The following MACROD2 variants were observed in gnomAD, a reference collection of about 807,000 sequenced individuals.
MACROD2 encodes mono-ADP ribosylhydrolase 2.
MACROD2 carries 36 observed loss-of-function variants against 70.4 expected under a neutral mutation model. The observed-to-expected ratio is 0.51, with a 90% CI of 0.39 to 0.68. The LOEUF is 0.68. Among genes scored for constraint, MACROD2 ranks in the 30% least tolerant of loss-of-function variants. The pLI is 0.00. For missense variants in MACROD2, 496 were observed against 538.4 expected, an observed-to-expected ratio of 0.92 and a Z score of 0.78; for synonymous variants, 172 against 178.8, an observed-to-expected ratio of 0.96 and a Z score of 0.30.
rs956116462 is a variant in MACROD2, at chr20:14,270,558, C to T, written c.271+184830C>T. Among the ~76,000 whole-genome samples, 8 of 143,912 alleles carry T rather than the reference C, an allele frequency of 5.6e-5. No homozygotes were observed. The East Asian group carries it at 8.1e-4, about 15-fold the overall frequency. The allele number at this position is 143,912 out of a possible 152,430, so 94.4% of individuals were successfully genotyped here. On this transcript the variant is annotated intron_variant, in intron 3 of 17. Coordinates refer to ENST00000684519, the MANE Select transcript of MACROD2 (RefSeq NM_001351661.2). The stretch of plus-strand genomic sequence containing the variant: ...GAGCCAAGATCGTGCCACAGCACTC[C>T]AGCCTGGCAACAGAGTGAGACTCCA...
chr20:14,223,534 G>T (rs1169958791), intron 3 of MACROD2, among the ~76,000 whole-genome samples: 2 of 141,584 alleles, frequency 1.4e-5, no homozygotes, highest in African/African-American at 5.3e-5. Context: ...TTGAGACGGA[G>T]TCTCACCCTG....
intron 8 of MACROD2, among the ~76,000 whole-genome samples, chr20:15,636,071 C>CAAAAA (rs1178846767): frequency 9.0e-4 from 25 of 27,798 alleles, no homozygotes; most frequent in Non-Finnish European, 1.2e-3. Context: ...GGCTCCCTCT[C>CAAAAA]AAAAGAAAAA....
At chr20:15,523,843 T>C (rs1468684851) in intron 8 of MACROD2, among the ~76,000 whole-genome samples, 3 of 152,196 alleles carry the variant, frequency 2.0e-5, no homozygotes, top group Non-Finnish European at 4.4e-5. Context: ...AACTATCATG[T>C]TCTGAGCTTG....
intron 5 of MACROD2, among the ~76,000 whole-genome samples, chr20:14,748,125 G>T (rs908114413): frequency 1.3e-5 from 2 of 151,920 alleles, no homozygotes; most frequent in Admixed American, 6.6e-5. Context: ...CTCCTGTCTT[G>T]AGTGCTCTTC....
intron 13 of MACROD2, among the ~76,000 whole-genome samples, chr20:15,977,222 G>A (rs1404910173): frequency 6.6e-6 from 1 of 152,202 alleles, no homozygotes; most frequent in East Asian, 1.9e-4. Flanking sequence ...TATAGCAACA[G>A]TGATAGAGAA....
At chr20:14,264,616 A>G (rs1248972351) in intron 3 of MACROD2, among the ~76,000 whole-genome samples, 1 of 152,128 alleles carries the variant, frequency 6.6e-6, no homozygotes, top group Non-Finnish European at 1.5e-5. Context: ...CTAAGAGCAG[A>G]GGGTTTTGAG....
chr20:15,940,960 T>G (rs1309361951), intron 12 of MACROD2, among the ~76,000 whole-genome samples: 1 of 152,190 alleles, frequency 6.6e-6, no homozygotes, highest in Admixed American at 6.5e-5. Flanking sequence ...AGGGATAATT[T>G]AATTTGAATG....
At chr20:14,906,130 A>G (rs1307075928) in intron 5 of MACROD2, 1 of 152,172 alleles carries the variant, frequency 6.6e-6, no homozygotes, top group African/African-American at 2.4e-5. Context: ...TCTTCACTAT[A>G]AAGTATAATA....
intron 4 of MACROD2, among the ~76,000 whole-genome samples, chr20:14,561,650 CAT>C (rs1173103991): frequency 2.6e-5 from 4 of 151,768 alleles, no homozygotes; most frequent in African/African-American, 7.3e-5. Flanking sequence ...TCTCAGTTTA[CAT>C]ATGTTTCACT....
intron 5 of MACROD2, among the ~76,000 whole-genome samples, chr20:14,950,147 G>A (rs1259201149): frequency 2.0e-5 from 3 of 152,022 alleles, no homozygotes; most frequent in Non-Finnish European, 4.4e-5. Flanking sequence ...GAAAACGTGG[G>A]GCCAGGTTGA....
At chr20:15,821,288 C>G (rs1023832553) in intron 8 of MACROD2, among the ~76,000 whole-genome samples, 16 of 151,986 alleles carry the variant, frequency 1.1e-4, no homozygotes, top group Non-Finnish European at 1.8e-4. Flanking sequence ...AAATATCCAG[C>G]AATTTTCCTC....
intron 3 of MACROD2, among the ~76,000 whole-genome samples, chr20:14,425,469 T>G (rs955338322): frequency 6.6e-6 from 1 of 152,206 alleles, no homozygotes; most frequent in Admixed American, 6.5e-5. Context: ...AGCTACAATA[T>G]TTTTTCCTTT....
At chr20:14,656,694 T>G (rs1343017638) in intron 4 of MACROD2, among the ~76,000 whole-genome samples, 1 of 152,146 alleles carries the variant, frequency 6.6e-6, no homozygotes, top group East Asian at 1.9e-4. Context: ...GGCCGGCCAG[T>G]GAATTTCGCG....
intron 4 of MACROD2, among the ~76,000 whole-genome samples, chr20:14,608,179 C>G (rs1199815487): frequency 6.6e-6 from 1 of 152,068 alleles, no homozygotes; most frequent in African/African-American, 2.4e-5. Context: ...TCACTTGAAC[C>G]TGGAGCACGG....
chr20:14,005,328 A>G (rs530974926), intron 2 of MACROD2, among the ~76,000 whole-genome samples: 1 of 152,280 alleles, frequency 6.6e-6, no homozygotes, highest in East Asian at 1.9e-4. Flanking sequence ...TTAAATACAT[A>G]ATTTGCTTGC....
intron 8 of MACROD2, among the ~76,000 whole-genome samples, chr20:15,833,828 C>T (rs370903013): frequency 6.6e-6 from 1 of 152,146 alleles, no homozygotes; most frequent in African/African-American, 2.4e-5. Context: ...TCTCCAAATT[C>T]ATCTCATTAA....
At chr20:14,536,369 G>C (rs755799484) in intron 4 of MACROD2, among the ~76,000 whole-genome samples, 47 of 152,142 alleles carry the variant, frequency 3.1e-4, no homozygotes, top group Non-Finnish European at 6.0e-4. Flanking sequence ...AGCCTGAATA[G>C]AAGAGAAATG....
chr20:16,009,602 C>CAAAAA, intron 15 of MACROD2, among the ~76,000 whole-genome samples: 1 of 151,974 alleles, frequency 6.6e-6, no homozygotes, highest in Admixed American at 6.6e-5. Context: ...ACTAAAAATA[C>CAAAAA]AAAAATTAGC....
chr20:14,550,808 C>A (rs544557958), intron 4 of MACROD2, among the ~76,000 whole-genome samples: 1 of 151,894 alleles, frequency 6.6e-6, no homozygotes, highest in South Asian at 2.1e-4. Context: ...TAGGTGGAAA[C>A]TGAAAGCAAG....
Sources: allele counts gnomAD v4.1 joint callset (sites outside exome capture counted in the v4.1 genomes callset), GRCh38; gene constraint gnomAD v4.1.1; transcripts MANE v1.5; gene names NCBI Gene and HGNC (gene_info 2026-07-23, HGNC 2026-07-21).